Variants in USP6NL observed in about 807,000 individuals in gnomAD.
The protein encoded by USP6NL is USP6 N-terminal-like protein.
USP6NL carries 26 observed loss-of-function variants against 61.9 expected under a neutral mutation model. That is an observed-to-expected ratio of 0.42 (90% CI 0.31 to 0.58). The LOEUF is 0.58. Ranked by LOEUF, USP6NL falls within the 20% of genes least tolerant of loss-of-function variation. The pLI is 0.16. For missense variants in USP6NL, 1,114 were observed against 1,034.3 expected, an observed-to-expected ratio of 1.08 and a Z score of -1.06; for synonymous variants, 432 against 390.1, an observed-to-expected ratio of 1.11 and a Z score of -1.27.
chr10:11,559,491 G>C (rs1000810934), intron 2 of USP6NL, among the ~76,000 whole-genome samples: 2 of 152,092 alleles, frequency 1.3e-5, no homozygotes, highest in African/African-American at 4.8e-5. Flanking sequence ...AGCTTGGAGA[G>C]TAATAATCAC....
chr10:11,596,104 T>C lies in USP6NL; in HGVS notation c.4+1527A>G, dbSNP rs1170330845. On this transcript the variant is annotated intron_variant, in intron 2 of 14. Coordinates refer to ENST00000609104, the MANE Select transcript of USP6NL (RefSeq NM_014688.5). This position sits in a 1 kb window ranked among gnomAD's most constrained non-coding sequence, Gnocchi z 4.1. ...TCAAACATGAAAGGCACAGGCTACCTGCCGTCAAAAAAACTTACATCTGCA... is the reference window on the plus strand; with the variant it reads ...TCAAACATGAAAGGCACAGGCTACCCGCCGTCAAAAAAACTTACATCTGCA... 2.0e-5 allele frequency among the ~76,000 whole-genome samples: 3 copies of C among 152,166 alleles called. No homozygotes were observed. The highest frequency in any genetic ancestry group is 7.2e-5 in the African/African-American group (3 of 41,428).
rs1832413271 is a variant in USP6NL at position 11,465,511 on chromosome 10, T to C, written c.1079-1662A>G. ...CACCAACTTTTTAGCTCACATGAAA[T>C]AATTTAAAATGTCTTTTAAGATTCT... On this transcript the variant is annotated intron_variant, in intron 14 of 14. Coordinates refer to ENST00000609104, the MANE Select transcript of USP6NL (RefSeq NM_014688.5). This position sits in a 1 kb window ranked among gnomAD's most constrained non-coding sequence, Gnocchi z 4.5. Among the ~76,000 whole-genome samples the C allele has an allele frequency of 6.6e-6, 1 of 152,140 alleles. No individual in the cohort carries two copies. Among genetic ancestry groups the C allele is most frequent in the South Asian group, 2.1e-4 (1 of 4,820 alleles).
Position 11,597,581 on chromosome 10 carries a change from A to G in USP6NL, c.4+50T>C. 2 of 1,542,090 alleles carry G rather than the reference A, an allele frequency of 1.3e-6. No homozygotes were observed. The highest frequency in any genetic ancestry group is 1.8e-6 in the Non-Finnish European group (2 of 1,138,184). ...ATGTTTTTCTTCTCCTAAGCACAAT[A>G]CAGCAAACGCTCCTGAGATGGCTGG... On this transcript the variant is annotated intron_variant, in intron 2 of 14. Transcript: ENST00000609104. This position sits in a 1 kb window ranked among gnomAD's most constrained non-coding sequence, Gnocchi z 4.6.
chr10:11,607,323 C>A (rs1327549777), intron 1 of USP6NL, among the ~76,000 whole-genome samples: 2 of 152,076 alleles, frequency 1.3e-5, no homozygotes, highest in African/African-American at 4.8e-5. Context: ...TGTCCAAAAA[C>A]CAAACAAAAA....
Position 11,490,346 on chromosome 10 carries a change from C to T in USP6NL, c.543+486G>A, listed in dbSNP as rs1833657892. Among the ~76,000 whole-genome samples, 1 of 152,198 alleles carries T rather than the reference C, an allele frequency of 6.6e-6. No homozygotes were observed. The highest frequency in any genetic ancestry group is 6.5e-5 in the Admixed American group (1 of 15,278). ...GCTGAATGCCTTAAGAAGAGCATGT[C>T]TATTACCGAAGAGTTTAGCCTCCTC... On this transcript the variant is annotated intron_variant, in intron 9 of 14. Transcript: ENST00000609104. This position sits in a 1 kb window ranked among gnomAD's most constrained non-coding sequence, Gnocchi z 4.5.
chr10:11,572,911 T>C (rs1009668938), intron 2 of USP6NL, among the ~76,000 whole-genome samples: 10 of 152,142 alleles, frequency 6.6e-5, no homozygotes, highest in African/African-American at 2.4e-4. Context: ...AAAAGTAAAA[T>C]ATATAAGTAT....
At chr10:11,572,448 T>A (rs1837397241) in intron 2 of USP6NL, among the ~76,000 whole-genome samples, 1 of 151,934 alleles carries the variant, frequency 6.6e-6, no homozygotes, top group Non-Finnish European at 1.5e-5. Flanking sequence ...GAGATGCGTA[T>A]CTGTTCAATC....
rs1435713119 is a variant in USP6NL at position 11,498,256 on chromosome 10, A to G, written c.384+2845T>C. 2.0e-5 allele frequency among the ~76,000 whole-genome samples: 3 copies of G among 147,806 alleles called. No homozygotes were observed. In the East Asian group the frequency reaches 5.9e-4, roughly 29 times the overall value. ...GTCTCAAAAAAAAAAAAAAAAAAAAAAAAAATTAGGATTATCATTGTGAGT... is the reference window on the plus strand; with the variant it reads ...GTCTCAAAAAAAAAAAAAAAAAAAAGAAAAATTAGGATTATCATTGTGAGT... On this transcript the variant is annotated intron_variant, in intron 7 of 14. Coordinates refer to ENST00000609104, the MANE Select transcript of USP6NL (RefSeq NM_014688.5).
At chr10:11,607,851 G>A (rs575693493) in intron 1 of USP6NL, among the ~76,000 whole-genome samples, 104 of 152,234 alleles carry the variant, frequency 6.8e-4, no homozygotes, top group Middle Eastern at 3.4e-3. Context: ...CTCAATGAAA[G>A]GAAAATTCCA....
At position 11,553,741 on chromosome 10, in the gene USP6NL, C is replaced by T. The variant is rs970743709; in HGVS notation, c.5-26174G>A. ...TGAAACCCCGTCTCTACTAAAAATA[C>T]AAAAATTAGCAAGGCATGGTGGTGG... On this transcript the variant is annotated intron_variant, in intron 2 of 14. Coordinates refer to ENST00000609104, the MANE Select transcript of USP6NL (RefSeq NM_014688.5). This position sits in a 1 kb window ranked among gnomAD's most constrained non-coding sequence, Gnocchi z 4.8. 2.6e-5 allele frequency among the ~76,000 whole-genome samples: 4 copies of T among 151,832 alleles called. No individual in the cohort carries two copies. The highest frequency in any genetic ancestry group is 9.7e-5 in the African/African-American group (4 of 41,300).
Position 11,474,449 on chromosome 10 carries a change from T to C in USP6NL, c.1078+7321A>G, listed in dbSNP as rs1244518140. Among the ~76,000 whole-genome samples the C allele has an allele frequency of 6.6e-6, 1 of 152,136 alleles. No individual in the cohort carries two copies. Among genetic ancestry groups the C allele is most frequent in the Non-Finnish European group, 1.5e-5 (1 of 68,010 alleles). ...GAAATTTGATACATTGAAAGGAAAC[T>C]GGATATATTACATTTATAAAGGCAA... On this transcript the variant is annotated intron_variant, in intron 14 of 14. Transcript: ENST00000609104. This position sits in a 1 kb window ranked among gnomAD's most constrained non-coding sequence, Gnocchi z 4.9.
At chr10:11,524,594 A>C (rs961783881) in intron 4 of USP6NL, among the ~76,000 whole-genome samples, 2 of 152,246 alleles carry the variant, frequency 1.3e-5, no homozygotes, top group African/African-American at 4.8e-5. Context: ...AGGACTGTAC[A>C]TTACTGTGAA....
intron 2 of USP6NL, 102 bp from the exon 3 acceptor site, chr10:11,527,669 C>A: frequency 3.9e-6 from 4 of 1,023,506 alleles, no homozygotes; most frequent in South Asian, 3.2e-5. Flanking sequence ...TAAATACTGC[C>A]TAAAATGACA....
intron 2 of USP6NL, among the ~76,000 whole-genome samples, chr10:11,555,724 C>T (rs1278986532): frequency 1.3e-5 from 2 of 151,712 alleles, no homozygotes; most frequent in African/African-American, 4.8e-5. Flanking sequence ...AGTAAAACTT[C>T]CAAAAATTAA....
intron 6 of USP6NL, 103 bp from the exon 7 acceptor site, chr10:11,501,311 C>A: frequency 1.1e-6 from 1 of 874,914 alleles, no homozygotes. Context: ...ATTTTCAAAG[C>A]ATCTATGGCA....
At chr10:11,507,446 G>C (rs1295159585) in intron 6 of USP6NL, among the ~76,000 whole-genome samples, 5 of 152,076 alleles carry the variant, frequency 3.3e-5, no homozygotes, top group Non-Finnish European at 7.4e-5. Context: ...TGCTAAAACA[G>C]ACAGTTAATA....
chr10:11,550,742 T>G (rs1836449394), intron 2 of USP6NL, among the ~76,000 whole-genome samples: 1 of 150,576 alleles, frequency 6.6e-6, no homozygotes, highest in South Asian at 2.1e-4. Flanking sequence ...GGCAACAGAG[T>G]GAGACTCCGT....
intron 5 of USP6NL, among the ~76,000 whole-genome samples, chr10:11,512,167 G>A (rs907709880): frequency 6.6e-6 from 1 of 152,080 alleles, no homozygotes; most frequent in African/African-American, 2.4e-5. Flanking sequence ...AGACAAAACT[G>A]GAATATAATA....
intron 2 of USP6NL, among the ~76,000 whole-genome samples, chr10:11,569,510 G>T (rs547308955): frequency 1.3e-5 from 2 of 152,176 alleles, no homozygotes; most frequent in African/African-American, 4.8e-5. Context: ...AATGCTAAGA[G>T]AATATAAAGA....
Sources: allele counts gnomAD v4.1 joint callset (sites outside exome capture counted in the v4.1 genomes callset), GRCh38; gene constraint gnomAD v4.1.1; non-coding constraint Gnocchi (gnomAD v3.1); transcripts MANE v1.5; gene names NCBI Gene and HGNC (gene_info 2026-07-23, HGNC 2026-07-21).